Variants in CDIN1 observed in about 807,000 individuals in gnomAD.
CDIN1 encodes the protein CDAN1 interacting nuclease 1.
Under a neutral mutation model 45.3 loss-of-function variants are expected in CDIN1, and 33 were observed. The ratio of observed to expected loss-of-function variants is 0.73; its 90% CI spans 0.55 to 0.97. CDIN1 has a LOEUF of 0.97. CDIN1 is among the 50% of genes least tolerant of loss of function. The pLI is 0.00. For synonymous variants in CDIN1, 118 were observed against 124.4 expected (o/e 0.95, Z 0.34); for missense variants, 303 against 339.4 (o/e 0.89, Z 0.84).
At chr15:36,688,729 A>C (rs751646271) in intron 5 of CDIN1, among the ~76,000 whole-genome samples, 1 of 152,176 alleles carries the variant, frequency 6.6e-6, no homozygotes, top group Non-Finnish European at 1.5e-5. Flanking sequence ...GGCCATGACA[A>C]GGTTGTCCAG....
chr15:36,744,463 T>A (rs573307420), intron 10 of CDIN1, among the ~76,000 whole-genome samples: 1 of 152,312 alleles, frequency 6.6e-6, no homozygotes, highest in African/African-American at 2.4e-5. Context: ...TGTTCACTCA[T>A]TAAGTTGGTA....
intron 10 of CDIN1, among the ~76,000 whole-genome samples, chr15:36,758,016 A>ATATG (rs1261634407): frequency 3.3e-5 from 5 of 152,146 alleles, no homozygotes; most frequent in South Asian, 2.1e-4. Flanking sequence ...AAACTTTATT[A>ATATG]TATGTATGTA....
chr15:36,713,076 T>A (rs1272480946), intron 10 of CDIN1, among the ~76,000 whole-genome samples: 1 of 152,178 alleles, frequency 6.6e-6, no homozygotes, highest in Non-Finnish European at 1.5e-5. Flanking sequence ...AGAAACCAAT[T>A]CTACCAGTCT....
intron 5 of CDIN1, among the ~76,000 whole-genome samples, chr15:36,669,984 T>G (rs1489446027): frequency 2.0e-5 from 3 of 152,076 alleles, no homozygotes; most frequent in Non-Finnish European, 4.4e-5. Context: ...AGTCACTAAA[T>G]TTAGTACACA....
chr15:36,647,701 T>C (rs1566864012), intron 3 of CDIN1: 3 of 152,210 alleles, frequency 2.0e-5, no homozygotes, highest in Non-Finnish European at 4.4e-5. Context: ...TCCAGCAGAT[T>C]AGAATAAAGC....
intron 10 of CDIN1, among the ~76,000 whole-genome samples, chr15:36,734,644 G>A (rs907403934): frequency 1.3e-5 from 2 of 152,036 alleles, no homozygotes; most frequent in African/African-American, 4.8e-5. Context: ...ACACACATCA[G>A]TATTTACTGG....
chr15:36,618,706 A>C, intron 1 of CDIN1: 1 of 784,748 alleles, frequency 1.3e-6, no homozygotes. Flanking sequence ...GCAACTCAGT[A>C]TGAGTACCAG....
intron 10 of CDIN1, among the ~76,000 whole-genome samples, chr15:36,787,645 C>T (rs1410197364): frequency 6.6e-6 from 1 of 152,090 alleles, no homozygotes; most frequent in Non-Finnish European, 1.5e-5. Context: ...GTTCTTATAG[C>T]ACTATTGTGA....
chr15:36,747,783 A>T (rs746971481), intron 10 of CDIN1, among the ~76,000 whole-genome samples: 3 of 152,190 alleles, frequency 2.0e-5, no homozygotes, highest in Non-Finnish European at 4.4e-5. Context: ...TTTGAATACC[A>T]AAACATTTTT....
rs2040265305 is a variant in CDIN1, at chr15:36,645,235, A to G, written c.160A>G (p.Arg54Gly). 6.4e-7 allele frequency: 1 copy of G among 1,552,484 alleles called. No homozygotes were observed. The highest frequency in any genetic ancestry group is 1.4e-5 in the African/African-American group (1 of 73,218). ...TTTTTTCTTTCAGAAACACATTAAAAGAACACATGCCAAACATCATACTTC... is the reference window on the plus strand; with the variant it reads ...TTTTTTCTTTCAGAAACACATTAAAGGAACACATGCCAAACATCATACTTC... ...FSQEYQKHIK[R>G]THAKHHTSEA... Residue 54 changes from arginine (R) to glycine (G), a missense_variant, in exon 3 of 11, where the codon AGA becomes GGA. Transcript: ENST00000566621.
In CDIN1 at chr15:36,645,277, T is replaced by C; in HGVS notation, c.202T>C (p.Tyr68His). ...KHHTSEAIES[Y>H]YQRYLNGVVK... ...TCATACTTCGGAAGCAATTGAAAGT[T>C]ATTACCAGAGGTATGACCTTCCTGC... Residue 68 changes from tyrosine (Y) to histidine (H), a missense_variant, in exon 3 of 11, where the codon TAT (tyrosine) becomes CAT (histidine). Transcript: ENST00000566621. 1.9e-6 allele frequency: 3 copies of C among 1,552,644 alleles called. No homozygotes were observed. The highest frequency in any genetic ancestry group is 2.6e-6 in the Non-Finnish European group (3 of 1,147,188).
chr15:36,648,543 T>G (rs1356300947), intron 3 of CDIN1: 1 of 147,672 alleles, frequency 6.8e-6, no homozygotes, highest in African/African-American at 2.5e-5. Flanking sequence ...ACCACTCTCC[T>G]GCCTCAGCCT....
chr15:36,650,010 T>C lies in CDIN1; in HGVS notation c.213-4088T>C, dbSNP rs2040506966. On this transcript the variant is annotated intron_variant, in intron 3 of 10. Coordinates refer to ENST00000566621, the MANE Select transcript of CDIN1 (RefSeq NM_001321759.2). ...TTTCAGAAACTATTTTTATCACATA[T>C]GTTACCAGTATCATATTTAAGCCAA... is the stretch of plus-strand genomic sequence containing the variant. Among the ~76,000 whole-genome samples, 3 of 152,278 alleles carry C rather than the reference T, an allele frequency of 2.0e-5. No homozygotes were observed. The South Asian group carries it at 6.2e-4, about 32-fold the overall frequency.
intron 3 of CDIN1, among the ~76,000 whole-genome samples, chr15:36,647,353 A>G (rs758564332): frequency 6.6e-6 from 1 of 152,162 alleles, no homozygotes; most frequent in African/African-American, 2.4e-5. Context: ...AGTATACCCA[A>G]TGATGAACAG....
chr15:36,626,252 A>G (rs1458515720), intron 1 of CDIN1, among the ~76,000 whole-genome samples: 1 of 151,830 alleles, frequency 6.6e-6, no homozygotes, highest in Non-Finnish European at 1.5e-5. Flanking sequence ...AAGGCCTTAT[A>G]TATTAAATTC....
chr15:36,749,982 T>A (rs8023446), intron 10 of CDIN1, among the ~76,000 whole-genome samples: 17,017 of 152,144 alleles, frequency 0.11, 1,049 homozygotes, highest in East Asian at 0.26. Flanking sequence ...TGCATTGTGT[T>A]GCCGTAATGA....
chr15:36,636,759 A>G (rs1216345580), intron 1 of CDIN1, among the ~76,000 whole-genome samples: 1 of 152,204 alleles, frequency 6.6e-6, no homozygotes, highest in Admixed American at 6.5e-5. Context: ...GGACCTTTCA[A>G]TAATGTTGTA....
At chr15:36,631,407 A>G (rs937368437) in intron 1 of CDIN1, among the ~76,000 whole-genome samples, 5 of 151,954 alleles carry the variant, frequency 3.3e-5, no homozygotes, top group African/African-American at 1.2e-4. Flanking sequence ...ATTATCAGTC[A>G]CTCCCGATCT....
intron 10 of CDIN1, among the ~76,000 whole-genome samples, chr15:36,780,926 A>G (rs927035363): frequency 3.9e-5 from 6 of 152,142 alleles, no homozygotes; most frequent in African/African-American, 1.2e-4. Context: ...TATTAATTAT[A>G]CCTATGAACT....
Sources: gnomAD v4.1 joint callset for allele counts (sites outside exome capture counted in the v4.1 genomes callset) on GRCh38, gnomAD v4.1.1 for gene constraint, MANE v1.5 for transcripts, NCBI Gene and HGNC (gene_info 2026-07-23, HGNC 2026-07-21) for gene names.